TMEM117: variants seen among roughly 807,000 people sequenced by gnomAD.
TMEM117 encodes transmembrane protein 117.
In TMEM117, 27 loss-of-function variants were observed where a neutral mutation model predicts 52.4. The ratio of observed to expected loss-of-function variants is 0.51; its 90% confidence interval spans 0.38 to 0.71. TMEM117 has a LOEUF of 0.71. Ranked by LOEUF, TMEM117 falls within the 30% of genes least tolerant of loss-of-function variation. The pLI is 0.00. For synonymous variants in TMEM117, 215 were observed against 206.3 expected, an observed-to-expected ratio of 1.04 and a Z score of -0.36; for missense variants, 556 against 630.5, an observed-to-expected ratio of 0.88 and a Z score of 1.26.
chr12:44,116,678 T>G lies in TMEM117; in HGVS notation c.411-26847T>G, dbSNP rs139594655. ...TCTCCTCTCTTCAAACCTTCCTCACTTCCTGTATTTGCTAATTTGGTGCAT... is the reference window on the plus strand; with the variant it reads ...TCTCCTCTCTTCAAACCTTCCTCACGTCCTGTATTTGCTAATTTGGTGCAT... On this transcript the variant is annotated intron_variant, in intron 3 of 7. Transcript: ENST00000266534. 5.9e-5 allele frequency among the ~76,000 whole-genome samples: 9 copies of G among 152,360 alleles called. No homozygotes were observed. The East Asian group carries it at 1.7e-3, about 29-fold the overall frequency.
intron 2 of TMEM117, among the ~76,000 whole-genome samples, chr12:43,902,626 G>GT (rs537808052): frequency 0.039 from 5,867 of 152,218 alleles, 144 homozygotes; most frequent in Middle Eastern, 0.088. Flanking sequence ...GAACCAGACA[G>GT]ACCATGGTAG....
At chr12:44,067,328 GGT>G (rs1490658658) in intron 3 of TMEM117, among the ~76,000 whole-genome samples, 1 of 152,088 alleles carries the variant, frequency 6.6e-6, no homozygotes, top group African/African-American at 2.4e-5. Context: ...CATCTAGAAT[GGT>G]GAATCCTTTC....
At chr12:44,000,575 G>A (rs1053391965) in intron 3 of TMEM117, among the ~76,000 whole-genome samples, 1 of 152,218 alleles carries the variant, frequency 6.6e-6, no homozygotes, top group Admixed American at 6.5e-5. Context: ...GAGGACTTTG[G>A]ACAGGCCTGG....
intron 3 of TMEM117, among the ~76,000 whole-genome samples, chr12:43,969,933 C>T (rs1267397520): frequency 6.6e-6 from 1 of 152,134 alleles, no homozygotes; most frequent in African/African-American, 2.4e-5. Context: ...TCTCCTTATC[C>T]CCAGTTTTTC....
intron 4 of TMEM117, among the ~76,000 whole-genome samples, chr12:44,194,924 G>A (rs1949398480): frequency 6.6e-6 from 1 of 152,176 alleles, no homozygotes; most frequent in South Asian, 2.1e-4. Flanking sequence ...ATGTTAGTAA[G>A]CACAATTAAT....
At chr12:44,126,546 G>T (rs896999916) in intron 3 of TMEM117, among the ~76,000 whole-genome samples, 3 of 152,152 alleles carry the variant, frequency 2.0e-5, no homozygotes, top group Non-Finnish European at 4.4e-5. Flanking sequence ...TTCAGAAATG[G>T]TTTCTGACCT....
At chr12:43,999,006 C>T in intron 3 of TMEM117, among the ~76,000 whole-genome samples, 1 of 152,174 alleles carries the variant, frequency 6.6e-6, no homozygotes, top group African/African-American at 2.4e-5. Flanking sequence ...ACAATTCACT[C>T]ACTAGGAAGG....
In TMEM117 at chr12:43,973,920, TGA is replaced by T. The variant is rs370349875; in HGVS notation, c.410+29581_410+29582del. On this transcript the variant is annotated intron_variant, in intron 3 of 7. Transcript: ENST00000266534. Reference sequence around the variant, plus strand: ...TAAGTAGAAATGTTTGCTTGGGTAGTGAGACTTTTTAGAAGCAAAAATACTAT... The same window carrying T: ...TAAGTAGAAATGTTTGCTTGGGTAGTGACTTTTTAGAAGCAAAAATACTAT... Among the ~76,000 whole-genome samples, 503 of 152,312 alleles carry T rather than the reference TGA, an allele frequency of 3.3e-3. 5 individuals are homozygous for T. The highest frequency in any genetic ancestry group is 0.011 in the African/African-American group (461 of 41,566).
chr12:44,104,210 TA>T (rs1426349306), intron 3 of TMEM117, among the ~76,000 whole-genome samples: 1 of 152,022 alleles, frequency 6.6e-6, no homozygotes, highest in African/African-American at 2.4e-5. Flanking sequence ...GTAGAATGAT[TA>T]ATTAGTATAT....
the TMEM117 span, among the ~76,000 whole-genome samples, chr12:43,826,433 T>C: frequency 0.11 from 16,045 of 152,242 alleles, 987 homozygotes; most frequent in African/African-American, 0.14. Context: ...CTGGGACTGC[T>C]GCTTCAAACA....
the TMEM117 span, chr12:43,797,838 G>A: frequency 6.2e-7 from 1 of 1,608,726 alleles, no homozygotes; most frequent in South Asian, 1.1e-5. Context: ...CTGTACCTAA[G>A]TATGACAGAT....
intron 6 of TMEM117, among the ~76,000 whole-genome samples, chr12:44,313,175 C>A (rs567004926): frequency 1.3e-5 from 2 of 152,242 alleles, no homozygotes; most frequent in Admixed American, 1.3e-4. Context: ...GTCATAAGTT[C>A]TTTGCCAATC....
At chr12:44,357,182 T>C (rs2138797403) in intron 6 of TMEM117, among the ~76,000 whole-genome samples, 1 of 152,258 alleles carries the variant, frequency 6.6e-6, no homozygotes, top group Non-Finnish European at 1.5e-5. Context: ...TTCTCTTGGA[T>C]TTTGAGCTTT....
intron 3 of TMEM117, among the ~76,000 whole-genome samples, chr12:44,073,064 T>C (rs926504469): frequency 6.6e-6 from 1 of 151,336 alleles, no homozygotes; most frequent in Non-Finnish European, 1.5e-5. Context: ...CACTCCAGCC[T>C]GGCGACAGAG....
chr12:44,291,319 G>A (rs1198608114), intron 5 of TMEM117, among the ~76,000 whole-genome samples: 2 of 122,206 alleles, frequency 1.6e-5, no homozygotes, highest in African/African-American at 3.1e-5. Context: ...GCTAACTTTT[G>A]TATGTTGATT....
intron 5 of TMEM117, among the ~76,000 whole-genome samples, chr12:44,262,834 G>T (rs188604552): frequency 6.6e-6 from 1 of 152,110 alleles, no homozygotes; most frequent in Non-Finnish European, 1.5e-5. Flanking sequence ...TGATCCACCC[G>T]CCTCGGCCTC....
intron 4 of TMEM117, among the ~76,000 whole-genome samples, chr12:44,190,859 A>G (rs148609304): frequency 6.7e-6 from 1 of 149,066 alleles, no homozygotes; most frequent in Non-Finnish European, 1.5e-5. Context: ...CTCTCTCTCT[A>G]TATATAGAGA....
intron 3 of TMEM117, among the ~76,000 whole-genome samples, chr12:44,107,827 C>G (rs1381692609): frequency 6.6e-6 from 1 of 152,074 alleles, no homozygotes; most frequent in African/African-American, 2.4e-5. Flanking sequence ...ATTATATCCA[C>G]AAAACTTTTT....
Position 43,885,778 on chromosome 12 carries a change from C to T in TMEM117, c.277+40850C>T, listed in dbSNP as rs566594284. Among the ~76,000 whole-genome samples the T allele has an allele frequency of 3.9e-3, 594 of 152,218 alleles. 2 individuals are homozygous for T. The highest frequency in any genetic ancestry group is 0.014 in the African/African-American group (572 of 41,520). On this transcript the variant is annotated intron_variant, in intron 2 of 7. Transcript: ENST00000266534. ...GTAATACAGATATGCACAGGAAGCT[C>T]TCAGAATACAGAAGACAGACATTTA... is the stretch of plus-strand genomic sequence containing the variant.
Sources: gnomAD v4.1 joint callset for allele counts (sites outside exome capture counted in the v4.1 genomes callset) on GRCh38, gnomAD v4.1.1 for gene constraint, MANE v1.5 for transcripts, NCBI Gene and HGNC (gene_info 2026-07-23, HGNC 2026-07-21) for gene names.